The following TENM3 variants were observed in gnomAD, a reference collection of about 807,000 sequenced individuals.
TENM3 encodes teneurin transmembrane protein 3, also known as teneurin-3.
TENM3 carries 63 observed loss-of-function variants against 255.1 expected under a neutral mutation model. The observed-to-expected ratio is 0.25, with a 90% CI of 0.20 to 0.30. TENM3 has a LOEUF of 0.30. Ranked by LOEUF, TENM3 falls within the 10% of genes least tolerant of loss-of-function variation. The pLI is 1.00. For synonymous variants in TENM3, 1,306 were observed against 1,322.3 expected (o/e 0.99, Z 0.27); for missense variants, 2,929 against 3,461.1 (o/e 0.85, Z 3.86).
chr4:182,254,262 C>T (rs1758227706), intron 1 of TENM3, among the ~76,000 whole-genome samples: 2 of 151,904 alleles, frequency 1.3e-5, no homozygotes, highest in African/African-American at 4.8e-5. Context: ...TCTCTAAGGA[C>T]CCATGAGCCG....
the TENM3 span, among the ~76,000 whole-genome samples, chr4:181,607,362 G>A: frequency 1.1e-4 from 17 of 152,102 alleles, no homozygotes; most frequent in African/African-American, 3.1e-4. Context: ...AGCTAATGAC[G>A]GAGGAACTCA....
the TENM3 span, among the ~76,000 whole-genome samples, chr4:181,455,573 T>G: frequency 6.6e-6 from 1 of 152,062 alleles, no homozygotes; most frequent in Non-Finnish European, 1.5e-5. Flanking sequence ...AAACCAATCA[T>G]GTGAGCAAAA....
intron 5 of TENM3, among the ~76,000 whole-genome samples, chr4:182,651,291 C>G (rs973733274): frequency 6.6e-6 from 1 of 152,100 alleles, no homozygotes; most frequent in East Asian, 1.9e-4. Flanking sequence ...TTTAGCAAGT[C>G]AAACACTATG....
intron 1 of TENM3, among the ~76,000 whole-genome samples, chr4:182,223,543 T>C (rs993043628): frequency 6.6e-6 from 1 of 152,138 alleles, no homozygotes; most frequent in Non-Finnish European, 1.5e-5. Flanking sequence ...GTTTATAACA[T>C]GTTTTAACAC....
the TENM3 span, among the ~76,000 whole-genome samples, chr4:181,599,237 A>G: frequency 6.6e-6 from 1 of 152,210 alleles, no homozygotes; most frequent in Non-Finnish European, 1.5e-5. Flanking sequence ...AGGCACCCCA[A>G]TTGAATAAGT....
chr4:182,570,009 T>A (rs1269985940), intron 3 of TENM3, among the ~76,000 whole-genome samples: 1 of 152,194 alleles, frequency 6.6e-6, no homozygotes, highest in Non-Finnish European at 1.5e-5. Context: ...TGATTTTAGT[T>A]TGGCTACTAG....
intron 13 of TENM3, among the ~76,000 whole-genome samples, chr4:182,716,820 A>G (rs1326165817): frequency 6.6e-6 from 1 of 152,184 alleles, no homozygotes; most frequent in Non-Finnish European, 1.5e-5. Flanking sequence ...GACTGATTGT[A>G]GTGTTATAGA....
rs74666529 is a variant in TENM3 at position 182,151,455 on chromosome 4, G to A, written c.-76+6701G>A. Among the ~76,000 whole-genome samples, 6 of 152,040 alleles carry A rather than the reference G, an allele frequency of 3.9e-5. No homozygotes were observed. The East Asian group carries it at 1.2e-3, about 29-fold the overall frequency. On this transcript the variant is annotated intron_variant, in intron 1 of 2. Coordinates refer to the TENM3 transcript ENST00000512480. ...AGAATTTGGAATTTGTCAACACGTA[G>A]GTAGAAAAAAATTGGCAAGTGACTG...
At chr4:182,057,333 GA>G in the TENM3 span, among the ~76,000 whole-genome samples, 1 of 150,862 alleles carries the variant, frequency 6.6e-6, no homozygotes, top group East Asian at 1.9e-4. Flanking sequence ...GCTGCAGAAA[GA>G]AAGAAAATAA....
chr4:182,186,762 CATATATATATATATATATATAT>C (rs70954298), intron 1 of TENM3, among the ~76,000 whole-genome samples: 858 of 27,500 alleles, frequency 0.031, 45 homozygotes, highest in Middle Eastern at 0.12. Context: ...ACTAATGCAT[CATATATATATATATATATATAT>C]ATATATATAT....
At position 182,583,333 on chromosome 4, in the gene TENM3, C is replaced by CTGTGTGTGTG. The variant is rs3073440; in HGVS notation, c.512-17555_512-17546dup. On this transcript the variant is annotated intron_variant, in intron 3 of 27. Transcript: ENST00000511685. ...GAGTTAGCAACTGAAGCTTAAACCT[C>CTGTGTGTGTG]TGTGTGTGTGTGTGTGTGTGTGTGT... Among the ~76,000 whole-genome samples the CTGTGTGTGTG allele has an allele frequency of 9.4e-4, 135 of 143,516 alleles. 1 individual carries two copies. Among genetic ancestry groups the CTGTGTGTGTG allele is most frequent in the South Asian group, 4.4e-3 (19 of 4,280 alleles). The allele number at this position is 143,516 out of a possible 152,430, so 94.2% of individuals were successfully genotyped here.
the TENM3 span, among the ~76,000 whole-genome samples, chr4:181,677,070 C>A: frequency 1.3e-5 from 2 of 149,868 alleles, no homozygotes; most frequent in Non-Finnish European, 3.0e-5. Flanking sequence ...ATCTACTTGG[C>A]CCTTAAATAT....
At chr4:181,601,242 GC>G in the TENM3 span, among the ~76,000 whole-genome samples, 13 of 152,306 alleles carry the variant, frequency 8.5e-5, no homozygotes, top group African/African-American at 3.1e-4. Context: ...TATTGGCAGG[GC>G]TGTACTCTAC....
At chr4:182,654,388 T>G (rs1202285839) in intron 6 of TENM3, among the ~76,000 whole-genome samples, 2 of 152,232 alleles carry the variant, frequency 1.3e-5, no homozygotes. Context: ...CTAACAAAGA[T>G]TTTGAAATCA....
chr4:182,588,531 TAAG>T (rs961379827), intron 3 of TENM3, among the ~76,000 whole-genome samples: 5 of 152,134 alleles, frequency 3.3e-5, no homozygotes, highest in African/African-American at 1.2e-4. Flanking sequence ...ATGCTCATAA[TAAG>T]GTAATAAGGG....
At chr4:182,485,714 C>T (rs1044171585) in intron 3 of TENM3, among the ~76,000 whole-genome samples, 3 of 152,028 alleles carry the variant, frequency 2.0e-5, no homozygotes, top group Non-Finnish European at 4.4e-5. Flanking sequence ...ACCAGTATTT[C>T]GGTAATATTT....
In TENM3 at chr4:182,175,927, G is replaced by A. The variant is rs575633577; in HGVS notation, c.-76+31173G>A. On this transcript the variant is annotated intron_variant, in intron 1 of 2. Coordinates refer to the TENM3 transcript ENST00000512480. ...TGACACCCCCGCCCCCCACCCTGCCGCCGCTGCACATTGCAGTACGGTAGC... is the reference window on the plus strand; with the variant it reads ...TGACACCCCCGCCCCCCACCCTGCCACCGCTGCACATTGCAGTACGGTAGC... Among the ~76,000 whole-genome samples the A allele has an allele frequency of 5.3e-5, 8 of 149,818 alleles. No homozygotes were observed. The South Asian group carries it at 1.5e-3, about 28-fold the overall frequency.
the TENM3 span, among the ~76,000 whole-genome samples, chr4:182,066,314 C>T: frequency 1.3e-5 from 2 of 152,056 alleles, no homozygotes; most frequent in Non-Finnish European, 2.9e-5. Context: ...CTACTCAAGT[C>T]AACTCAAATG....
the TENM3 span, among the ~76,000 whole-genome samples, chr4:181,725,830 T>C: frequency 6.6e-6 from 1 of 152,186 alleles, no homozygotes; most frequent in Non-Finnish European, 1.5e-5. Context: ...TTCAAGACTA[T>C]CTATTGTGTT....
Sources: allele counts gnomAD v4.1 joint callset (sites outside exome capture counted in the v4.1 genomes callset), GRCh38; gene constraint gnomAD v4.1.1; transcripts MANE v1.5; gene names NCBI Gene and HGNC (gene_info 2026-07-23, HGNC 2026-07-21).